ECE1: variants seen among roughly 807,000 people sequenced by gnomAD.
The protein encoded by ECE1 is endothelin converting enzyme 1.
Under a neutral mutation model 98.6 loss-of-function variants are expected in ECE1, and 35 were observed. That is an observed-to-expected ratio of 0.35 (90% CI 0.27 to 0.47). The LOEUF (loss-of-function observed/expected upper bound fraction) is 0.47. Among genes scored for constraint, ECE1 ranks in the 20% least tolerant of loss-of-function variants. The probability of loss-of-function intolerance (pLI) is 1.00; values close to 1 mark genes in which losing one functional copy is unlikely to be tolerated. For synonymous variants in ECE1, 394 were observed against 407.1 expected (o/e 0.97, Z 0.39); for missense variants, 814 against 1,025.3 (o/e 0.79, Z 2.81).
At chr1:21,336,567 G>A (rs918099228) in intron 1 of ECE1, among the ~76,000 whole-genome samples, 15 of 152,168 alleles carry the variant, frequency 9.9e-5, no homozygotes, top group Non-Finnish European at 1.8e-4. Flanking sequence ...GTGGCCGGGC[G>A]CGGTGGCTCA....
At position 21,261,846 on chromosome 1, in the gene ECE1, G is replaced by A. The variant is rs550468896; in HGVS notation, c.494-1454C>T. On this transcript the variant is annotated intron_variant, in intron 4 of 18. Coordinates refer to ENST00000374893, the MANE Select transcript of ECE1 (RefSeq NM_001397.3). Reference sequence around the variant, plus strand: ...AGCTGAAGTTGTTCACCAGGTGGAAGGGAGGGGAGAGGCCACTGGGTTGCG... The same window carrying A: ...AGCTGAAGTTGTTCACCAGGTGGAAAGGAGGGGAGAGGCCACTGGGTTGCG... 8.5e-5 allele frequency among the ~76,000 whole-genome samples: 13 copies of A among 152,368 alleles called. 1 individual carries two copies. In the East Asian group the frequency reaches 2.5e-3, roughly 29 times the overall value.
chr1:21,333,501 C>T (rs1308588558), intron 1 of ECE1, among the ~76,000 whole-genome samples: 1 of 152,202 alleles, frequency 6.6e-6, no homozygotes, highest in Non-Finnish European at 1.5e-5. Flanking sequence ...AGGGCCAGCA[C>T]GCAGCCATTC....
At chr1:21,287,501 C>G (rs1286699910) in intron 2 of ECE1, among the ~76,000 whole-genome samples, 8 of 152,052 alleles carry the variant, frequency 5.3e-5, no homozygotes, top group Non-Finnish European at 4.4e-5. Context: ...ACTCCAGCCT[C>G]TACAACAGAG....
chr1:21,307,649 TC>T lies in ECE1; in HGVS notation c.4-17494del, dbSNP rs1638628579. ...CCCCACTGGGTCTGGGGCTGGGGCT[TC>T]TTTGTACCTCTGAGGTACAAAGTGG... On this transcript the variant is annotated intron_variant, in intron 1 of 18. Coordinates refer to the ECE1 transcript ENST00000415912. This position sits in a 1 kb window ranked among gnomAD's most constrained non-coding sequence, Gnocchi z 4.2. 6.6e-6 allele frequency among the ~76,000 whole-genome samples: 1 copy of T among 152,198 alleles called. No individual in the cohort carries two copies. Among genetic ancestry groups the T allele is most frequent in the Admixed American group, 6.5e-5 (1 of 15,284 alleles).
intron 2 of ECE1, among the ~76,000 whole-genome samples, chr1:21,286,469 C>T (rs1244093920): frequency 2.6e-5 from 4 of 152,126 alleles, no homozygotes; most frequent in East Asian, 1.9e-4. Context: ...TAATATTAAC[C>T]CCATTTTACA....
intron 1 of ECE1, among the ~76,000 whole-genome samples, chr1:21,336,018 G>A (rs1639299775): frequency 6.6e-6 from 1 of 152,354 alleles, no homozygotes. Flanking sequence ...GGCCCTGGGG[G>A]CAGGGGCAGG....
At chr1:21,336,999 T>C (rs939954756) in intron 1 of ECE1, among the ~76,000 whole-genome samples, 1 of 152,086 alleles carries the variant, frequency 6.6e-6, no homozygotes, top group East Asian at 1.9e-4. Context: ...ACTGCACCAT[T>C]GCACTCCAGC....
intron 11 of ECE1, 120 bp from the exon 12 acceptor site, chr1:21,236,964 G>A: frequency 1.1e-6 from 1 of 952,340 alleles, no homozygotes; most frequent in South Asian, 1.3e-5. Flanking sequence ...GCGTCAGGCT[G>A]GGTGAGAAGG....
In ECE1 at chr1:21,322,918, C is replaced by T. The variant is rs1437432836; in HGVS notation, c.3+22458G>A. On this transcript the variant is annotated intron_variant, in intron 1 of 18. Transcript: ENST00000415912. The surrounding 1 kb of genome is among the most constrained non-coding windows in gnomAD (Gnocchi z 4.1). ...TGGGGCTTTGGAGGGAGGGCAGGTC[C>T]CAGGGCTCAGGGGTTGGGGTCATTT... Among the ~76,000 whole-genome samples, 1 of 152,016 alleles carries T rather than the reference C, an allele frequency of 6.6e-6. No individual in the cohort carries two copies. Among genetic ancestry groups the T allele is most frequent in the Non-Finnish European group, 1.5e-5 (1 of 67,996 alleles).
intron 8 of ECE1, among the ~76,000 whole-genome samples, chr1:21,249,901 G>A (rs1258149499): frequency 2.0e-5 from 3 of 151,244 alleles, no homozygotes; most frequent in African/African-American, 7.3e-5. Context: ...AGCCTCCCAA[G>A]TAGCTGGGAC....
upstream of ECE1, among the ~76,000 whole-genome samples, chr1:21,291,915 G>C (rs1263936329): frequency 2.0e-5 from 3 of 151,664 alleles, no homozygotes; most frequent in Non-Finnish European, 2.9e-5. Context: ...GAGATCACTT[G>C]AGTCTAATTC....
chr1:21,335,849 CGGAAGGGGAA>C (rs1322823865), intron 1 of ECE1, among the ~76,000 whole-genome samples: 1 of 152,196 alleles, frequency 6.6e-6, no homozygotes, highest in African/African-American at 2.4e-5. Flanking sequence ...CAGTGCTTGA[CGGAAGGGGAA>C]AGTGAGGACT....
At chr1:21,290,634 C>T (rs1323114609), upstream of ECE1, 12 of 1,023,488 alleles carry the variant, frequency 1.2e-5, no homozygotes, top group African/African-American at 1.7e-5. This position sits in a 1 kb window ranked among gnomAD's most constrained non-coding sequence, Gnocchi z 7.3. Context: ...AAACTGAAGC[C>T]CCTAGCAGGC....
chr1:21,221,847 G>A lies in ECE1; in HGVS notation c.2041-5C>T, dbSNP rs1189698326. On this transcript the variant is annotated splice_polypyrimidine_tract_variant and splice_region_variant and intron_variant, in intron 17 of 18. Coordinates refer to ENST00000374893, the MANE Select transcript of ECE1 (RefSeq NM_001397.3). Reference sequence around the variant, plus strand: ...CTTCACCCAGTTCTGGTAAGCCTGGGAGGAGAGAAAACCAAAGCTCAGGGG... The same window carrying A: ...CTTCACCCAGTTCTGGTAAGCCTGGAAGGAGAGAAAACCAAAGCTCAGGGG... 4.3e-6 allele frequency: 7 copies of A among 1,614,100 alleles called. No homozygotes were observed. The highest frequency in any genetic ancestry group is 5.9e-6 in the Non-Finnish European group (7 of 1,179,994).
intron 14 of ECE1, among the ~76,000 whole-genome samples, chr1:21,232,835 AC>A (rs2098183497): frequency 6.6e-6 from 1 of 151,452 alleles, no homozygotes; most frequent in African/African-American, 2.4e-5. Flanking sequence ...GCGCCACCAC[AC>A]CCGGTTAATT....
In ECE1 at chr1:21,225,486, G is replaced by C; in HGVS notation, c.1850-46C>G. The C allele has an allele frequency of 1.3e-6, 2 of 1,596,792 alleles. No homozygotes were observed. Among genetic ancestry groups the C allele is most frequent in the Non-Finnish European group, 1.7e-6 (2 of 1,170,144 alleles). ...TCATGTCAAGGGAGGGAGGGGCACA[G>C]CAGGGACCTGCTGCTCCTCCCTGCT... On this transcript the variant is annotated intron_variant, in intron 16 of 18. Transcript: ENST00000374893. This position sits in a 1 kb window ranked among gnomAD's most constrained non-coding sequence, Gnocchi z 5.3.
intron 4 of ECE1, among the ~76,000 whole-genome samples, chr1:21,271,593 A>T (rs1439775070): frequency 6.6e-6 from 1 of 152,130 alleles, no homozygotes; most frequent in Non-Finnish European, 1.5e-5. Flanking sequence ...GCAGAGGGAG[A>T]CAGCCATGGT....
rs759163424 is a variant in ECE1, at chr1:21,327,567, G to A, written c.3+17809C>T. Among the ~76,000 whole-genome samples the A allele has an allele frequency of 5.9e-5, 9 of 152,160 alleles. No individual in the cohort carries two copies. Among genetic ancestry groups the A allele is most frequent in the South Asian group, 2.1e-4 (1 of 4,832 alleles). On this transcript the variant is annotated intron_variant, in intron 1 of 18. Coordinates refer to the ECE1 transcript ENST00000415912. This position sits in a 1 kb window ranked among gnomAD's most constrained non-coding sequence, Gnocchi z 4.6. ...GAACCGGGAGACCTCCACCCTGCTT[G>A]TTACACATTTTTGCCTTTTCTTACT...
At chr1:21,288,568 A>AT (rs1474106853) in intron 2 of ECE1, among the ~76,000 whole-genome samples, 2 of 152,224 alleles carry the variant, frequency 1.3e-5, no homozygotes, top group Non-Finnish European at 2.9e-5. Flanking sequence ...TGCTGTGAGG[A>AT]TAACAGCAAC....
Sources: gnomAD v4.1 joint callset for allele counts (sites outside exome capture counted in the v4.1 genomes callset) on GRCh38, gnomAD v4.1.1 for gene constraint, Gnocchi (gnomAD v3.1) non-coding constraint, MANE v1.5 for transcripts, NCBI Gene and HGNC (gene_info 2026-07-23, HGNC 2026-07-21) for gene names.